NPAS3: variants seen among roughly 807,000 people sequenced by gnomAD.
NPAS3 encodes the protein neuronal PAS domain protein 3, also known as neuronal PAS domain-containing protein 3.
A neutral mutation model predicts 73.1 loss-of-function variants in NPAS3; 14 were observed. The observed-to-expected ratio is 0.19, with a 90% CI of 0.13 to 0.30. The LOEUF (loss-of-function observed/expected upper bound fraction) is 0.30. Ranked by LOEUF, NPAS3 falls within the 10% of genes least tolerant of loss-of-function variation. The pLI, the probability that NPAS3 is intolerant of heterozygous loss-of-function variation, is 1.00. For missense variants in NPAS3, 1,096 were observed against 1,250.0 expected, an observed-to-expected ratio of 0.88 and a Z score of 1.86; for synonymous variants, 620 against 541.5, an observed-to-expected ratio of 1.14 and a Z score of -2.01.
At chr14:33,431,894 A>T (rs2048799896) in intron 4 of NPAS3, among the ~76,000 whole-genome samples, 1 of 152,032 alleles carries the variant, frequency 6.6e-6, no homozygotes, top group African/African-American at 2.4e-5. Context: ...TAGCCTTCCC[A>T]TTTTTCAAAA....
chr14:33,235,158 C>T (rs180968719), intron 3 of NPAS3, among the ~76,000 whole-genome samples: 1 of 152,164 alleles, frequency 6.6e-6, no homozygotes, highest in African/African-American at 2.4e-5. Context: ...TGAACGAATT[C>T]CTCTACCGCC....
At chr14:33,539,240 A>G (rs549459509) in intron 4 of NPAS3, among the ~76,000 whole-genome samples, 34 of 152,228 alleles carry the variant, frequency 2.2e-4, no homozygotes, top group South Asian at 8.3e-4. Flanking sequence ...AAGGAAGAGT[A>G]TGGCTGGAGG....
intron 4 of NPAS3, among the ~76,000 whole-genome samples, chr14:33,503,439 AGT>A (rs1254116953): frequency 6.6e-6 from 1 of 151,940 alleles, no homozygotes; most frequent in African/African-American, 2.4e-5. Context: ...TTGCTCAGTA[AGT>A]GATCAGAAAA....
intron 4 of NPAS3, among the ~76,000 whole-genome samples, chr14:33,425,602 G>T (rs1223864642): frequency 6.7e-6 from 1 of 148,990 alleles, no homozygotes; most frequent in Non-Finnish European, 1.5e-5. Flanking sequence ...ATAGACACTA[G>T]CAAGCTTCTT....
chr14:33,581,655 T>G (rs2056668574), intron 5 of NPAS3, among the ~76,000 whole-genome samples: 1 of 152,136 alleles, frequency 6.6e-6, no homozygotes, highest in South Asian at 2.1e-4. Context: ...ACTGCAGCCT[T>G]GACCTCCCCT....
chr14:33,719,391 A>G (rs561273032), intron 6 of NPAS3, among the ~76,000 whole-genome samples: 2 of 152,328 alleles, frequency 1.3e-5, no homozygotes, highest in African/African-American at 2.4e-5. Flanking sequence ...AATACCAACT[A>G]CAACCATGAA....
intron 5 of NPAS3, among the ~76,000 whole-genome samples, chr14:33,586,746 C>G (rs2056874614): frequency 6.6e-6 from 1 of 152,124 alleles, no homozygotes; most frequent in African/African-American, 2.4e-5. Flanking sequence ...GGTGAACAAA[C>G]ACGTATGTTT....
At chr14:33,690,871 T>TAA (rs11361786) in intron 6 of NPAS3, among the ~76,000 whole-genome samples, 15,431 of 142,060 alleles carry the variant, frequency 0.11, 1,082 homozygotes, top group South Asian at 0.18. Flanking sequence ...TAAAATTTGT[T>TAA]AAAAAAAAAA....
Position 33,772,949 on chromosome 14 carries a change from G to A in NPAS3, c.853-1388G>A, listed in dbSNP as rs139410106. ...TGCTTCCAGATCCACAGCTGTGGGC[G>A]CCGACGTGAAGGGTGACAGGGAAAA... is the stretch of plus-strand genomic sequence containing the variant. On this transcript the variant is annotated intron_variant, in intron 7 of 11. Coordinates refer to ENST00000356141, the Ensembl canonical transcript of NPAS3. Among the ~76,000 whole-genome samples, 974 of 152,244 alleles carry A rather than the reference G, an allele frequency of 6.4e-3. 6 individuals are homozygous for A. Among genetic ancestry groups the A allele is most frequent in the Middle Eastern group, 0.02 (6 of 294 alleles).
At chr14:32,948,244 A>T (rs757017357) in intron 1 of NPAS3, among the ~76,000 whole-genome samples, 38 of 152,300 alleles carry the variant, frequency 2.5e-4, no homozygotes, top group Non-Finnish European at 4.6e-4. Context: ...ATAAATACTT[A>T]AAAAATTTAT....
intron 2 of NPAS3, among the ~76,000 whole-genome samples, chr14:33,193,729 G>A (rs2046250581): frequency 6.6e-6 from 1 of 152,124 alleles, no homozygotes; most frequent in Non-Finnish European, 1.5e-5. Context: ...AAATATTAGT[G>A]TTTTGAAATG....
chr14:33,680,211 C>T (rs992399087), intron 6 of NPAS3, among the ~76,000 whole-genome samples: 9 of 152,234 alleles, frequency 5.9e-5, no homozygotes, highest in East Asian at 3.9e-4. Context: ...AATTTCAGTG[C>T]CATGCCTTTT....
At chr14:32,960,114 A>G (rs1194310080) in intron 1 of NPAS3, among the ~76,000 whole-genome samples, 1 of 152,026 alleles carries the variant, frequency 6.6e-6, no homozygotes, top group African/African-American at 2.4e-5. Flanking sequence ...TATGATAGTA[A>G]TAAAACATGT....
At chr14:33,641,134 G>A (rs1397464160) in intron 5 of NPAS3, among the ~76,000 whole-genome samples, 1 of 152,132 alleles carries the variant, frequency 6.6e-6, no homozygotes, top group Non-Finnish European at 1.5e-5. Flanking sequence ...TTGTGAGTTT[G>A]ATAGCTTTTC....
At chr14:33,182,061 A>C (rs1478027135) in intron 2 of NPAS3, among the ~76,000 whole-genome samples, 1 of 152,130 alleles carries the variant, frequency 6.6e-6, no homozygotes, top group Non-Finnish European at 1.5e-5. Flanking sequence ...TTCTTTTTGA[A>C]ATCTTCCTCC....
intron 6 of NPAS3, among the ~76,000 whole-genome samples, chr14:33,726,572 C>A (rs1053601631): frequency 7.9e-5 from 12 of 152,128 alleles, no homozygotes; most frequent in Non-Finnish European, 1.5e-4. Flanking sequence ...GACCACCCAA[C>A]CAAAATGTGG....
intron 4 of NPAS3, among the ~76,000 whole-genome samples, chr14:33,457,905 G>A (rs529664331): frequency 1.4e-4 from 22 of 152,262 alleles, no homozygotes; most frequent in South Asian, 6.2e-4. Context: ...GTTTATCAGC[G>A]TCTCACTGTA....
chr14:33,102,737 T>C (rs1282117830), intron 2 of NPAS3, among the ~76,000 whole-genome samples: 1 of 152,190 alleles, frequency 6.6e-6, no homozygotes, highest in African/African-American at 2.4e-5. Context: ...ACACTGACTA[T>C]GTGAACAAGT....
chr14:32,984,972 A>G (rs771798782), intron 1 of NPAS3, among the ~76,000 whole-genome samples: 2 of 152,202 alleles, frequency 1.3e-5, no homozygotes, highest in Non-Finnish European at 2.9e-5. Context: ...CTTGATATCT[A>G]TGTTGCAAAC....
Sources: allele counts gnomAD v4.1 joint callset (sites outside exome capture counted in the v4.1 genomes callset), GRCh38; gene constraint gnomAD v4.1.1; transcripts MANE v1.5; gene names NCBI Gene and HGNC (gene_info 2026-07-23, HGNC 2026-07-21).